The following CSMD1 variants were observed in gnomAD, a reference collection of about 807,000 sequenced individuals.
CSMD1 encodes the protein CUB and sushi domain-containing protein 1.
Under a neutral mutation model 417.5 loss-of-function variants are expected in CSMD1, and 213 were observed. The observed-to-expected ratio is 0.51, with a 90% CI of 0.46 to 0.57. The LOEUF (loss-of-function observed/expected upper bound fraction) is 0.57. Ranked by LOEUF, CSMD1 falls within the 20% of genes least tolerant of loss-of-function variation. The probability of loss-of-function intolerance (pLI) is 0.00; values close to 1 mark genes in which losing one functional copy is unlikely to be tolerated. For missense variants in CSMD1, 6,923 were observed against 4,529.7 expected (o/e 1.53, Z -15.17); for synonymous variants, 2,862 against 1,736.8 (o/e 1.65, Z -16.11).
At chr8:4,734,445 G>C (rs1212981000) in intron 1 of CSMD1, among the ~76,000 whole-genome samples, 1 of 152,006 alleles carries the variant, frequency 6.6e-6, no homozygotes, top group Non-Finnish European at 1.5e-5. Context: ...AAGTTGAATA[G>C]GAATTCTGTG....
chr8:3,319,491 A>G (rs1423599428), intron 23 of CSMD1, among the ~76,000 whole-genome samples: 1 of 152,258 alleles, frequency 6.6e-6, no homozygotes, highest in Non-Finnish European at 1.5e-5. Context: ...GGCAAGTAAA[A>G]GATAGTTCTA....
At chr8:3,307,863 A>G (rs1294212827) in intron 24 of CSMD1, 42 bp from the exon 25 acceptor site, 1 of 1,593,526 alleles carries the variant, frequency 6.3e-7, no homozygotes, top group African/African-American at 1.4e-5. Flanking sequence ...AGCTTCAGGC[A>G]TCACATGTTT....
At chr8:4,002,212 TGTGTGA>T (rs1350152185) in intron 4 of CSMD1, among the ~76,000 whole-genome samples, 4 of 151,328 alleles carry the variant, frequency 2.6e-5, no homozygotes, top group Non-Finnish European at 5.9e-5. Context: ...TGAGTGTGTG[TGTGTGA>T]GTGTGTGTGC....
intron 5 of CSMD1, among the ~76,000 whole-genome samples, chr8:3,832,219 G>A (rs1011625652): frequency 3.3e-5 from 5 of 152,292 alleles, no homozygotes; most frequent in Middle Eastern, 3.4e-3. Context: ...GCTGTGCCCT[G>A]TCCAGACCTG....
At chr8:4,253,250 A>G (rs1275137327) in intron 3 of CSMD1, among the ~76,000 whole-genome samples, 1 of 152,146 alleles carries the variant, frequency 6.6e-6, no homozygotes, top group Admixed American at 6.6e-5. Context: ...TGACATCTCC[A>G]AAAAGCTTGA....
chr8:4,089,248 G>T (rs145910076), intron 3 of CSMD1, among the ~76,000 whole-genome samples: 1 of 152,130 alleles, frequency 6.6e-6, no homozygotes, highest in African/African-American at 2.4e-5. Flanking sequence ...ATGTCCATCT[G>T]GTTCAGCACA....
intron 2 of CSMD1, among the ~76,000 whole-genome samples, chr8:4,531,944 C>G (rs946349391): frequency 6.7e-6 from 1 of 148,592 alleles, no homozygotes; most frequent in Admixed American, 6.7e-5. Flanking sequence ...CACACTCACT[C>G]CAGAAAAGAA....
intron 23 of CSMD1, among the ~76,000 whole-genome samples, chr8:3,321,789 ATAAG>A (rs538636398): frequency 1.2e-3 from 184 of 152,360 alleles, no homozygotes; most frequent in Admixed American, 2.6e-3. Flanking sequence ...CTAAATAAAA[ATAAG>A]TGAGCTGATT....
intron 1 of CSMD1, among the ~76,000 whole-genome samples, chr8:4,733,384 T>G (rs886381926): frequency 6.6e-6 from 1 of 152,184 alleles, no homozygotes; most frequent in Admixed American, 6.5e-5. Context: ...TTATAGTGAC[T>G]CATGCCCAGA....
chr8:3,553,719 C>T (rs1002544203), intron 10 of CSMD1, among the ~76,000 whole-genome samples: 1 of 152,098 alleles, frequency 6.6e-6, no homozygotes, highest in African/African-American at 2.4e-5. Flanking sequence ...ATTCTGAAGA[C>T]ATTAAAATAT....
At chr8:3,961,465 T>A (rs990958009) in intron 5 of CSMD1, among the ~76,000 whole-genome samples, 13 of 152,272 alleles carry the variant, frequency 8.5e-5, no homozygotes, top group Non-Finnish European at 1.5e-4. Flanking sequence ...AAATTAAAAA[T>A]GACATTTTAA....
intron 3 of CSMD1, among the ~76,000 whole-genome samples, chr8:4,262,632 C>T (rs1394485): frequency 0.094 from 14,303 of 152,094 alleles, 894 homozygotes; most frequent in African/African-American, 0.16. Context: ...GCCATCGCCA[C>T]CCAGTTAGCC....
intron 1 of CSMD1, among the ~76,000 whole-genome samples, chr8:4,645,490 G>C (rs143921882): frequency 2.2e-5 from 3 of 138,408 alleles, no homozygotes; most frequent in African/African-American, 7.9e-5. Context: ...ACTGGGCTTC[G>C]GATCAAACAA....
chr8:4,308,690 T>C (rs550250682), intron 3 of CSMD1, among the ~76,000 whole-genome samples: 31 of 152,350 alleles, frequency 2.0e-4, no homozygotes, highest in Middle Eastern at 3.4e-3. Flanking sequence ...CTGGGTGCTT[T>C]TGGAGTTTAA....
At chr8:4,105,338 T>A (rs200710834) in intron 3 of CSMD1, among the ~76,000 whole-genome samples, 901 of 61,238 alleles carry the variant, frequency 0.015, 7 homozygotes, top group African/African-American at 0.047. Context: ...CACTTCTGAA[T>A]TTTTTTTTTA....
chr8:3,082,611 A>G (rs1012457352), intron 49 of CSMD1, among the ~76,000 whole-genome samples: 2 of 152,226 alleles, frequency 1.3e-5, no homozygotes, highest in Non-Finnish European at 2.9e-5. Context: ...CTCAGAGCTA[A>G]GTCTGAATTG....
chr8:4,331,674 G>C (rs893892370), intron 3 of CSMD1, among the ~76,000 whole-genome samples: 2 of 152,100 alleles, frequency 1.3e-5, no homozygotes, highest in Non-Finnish European at 2.9e-5. Flanking sequence ...CCATCCCAGA[G>C]GCCCCAGTTA....
intron 28 of CSMD1, among the ~76,000 whole-genome samples, chr8:3,221,210 C>G (rs541091401): frequency 6.6e-6 from 1 of 152,106 alleles, no homozygotes; most frequent in African/African-American, 2.4e-5. Flanking sequence ...ATTATGCCAA[C>G]CTGTTTTGGG....
intron 7 of CSMD1, among the ~76,000 whole-genome samples, chr8:3,624,677 G>A (rs902331032): frequency 2.0e-5 from 3 of 152,144 alleles, no homozygotes; most frequent in Non-Finnish European, 4.4e-5. Context: ...AGTCTCCCCA[G>A]TGTATTGATG....
Sources: allele counts gnomAD v4.1 joint callset (sites outside exome capture counted in the v4.1 genomes callset), GRCh38; gene constraint gnomAD v4.1.1; transcripts MANE v1.5; gene names NCBI Gene and HGNC (gene_info 2026-07-23, HGNC 2026-07-21).